Variants in EPB41L4B observed in about 807,000 individuals in gnomAD.
The protein encoded by EPB41L4B is erythrocyte membrane protein band 4.1 like 4B.
EPB41L4B carries 30 observed loss-of-function variants against 112.5 expected under a neutral mutation model. The observed-to-expected ratio is 0.27, with a 90% CI of 0.20 to 0.36. The LOEUF (loss-of-function observed/expected upper bound fraction) is 0.36, where lower values mean the gene tolerates loss of function less well. Among genes scored for constraint, EPB41L4B ranks in the 10% least tolerant of loss-of-function variants. The pLI, the probability that EPB41L4B is intolerant of heterozygous loss-of-function variation, is 1.00. For missense variants in EPB41L4B, 1,024 were observed against 1,133.3 expected (o/e 0.90, Z 1.38); for synonymous variants, 408 against 439.7 (o/e 0.93, Z 0.90).
intron 4 of EPB41L4B, 78 bp downstream of exon 4, chr9:109,267,395 C>T (rs1165307708): frequency 6.8e-6 from 6 of 884,448 alleles, no homozygotes; most frequent in Admixed American, 4.3e-5. Flanking sequence ...AAGAGGCAAA[C>T]CCACAATTGA....
intron 1 of EPB41L4B, among the ~76,000 whole-genome samples, chr9:109,300,023 CAGA>C (rs1393122715): frequency 5.3e-5 from 8 of 152,150 alleles, no homozygotes; most frequent in African/African-American, 1.4e-4. Flanking sequence ...TTCCGAGTCA[CAGA>C]AGGAGGGAGG....
Position 109,251,938 on chromosome 9 carries a change from G to A in EPB41L4B, c.1280-427C>T, listed in dbSNP as rs559928654. Among the ~76,000 whole-genome samples the A allele has an allele frequency of 1.3e-3, 204 of 152,248 alleles. 1 individual carries two copies. The highest frequency in any genetic ancestry group is 1.4e-3 in the Non-Finnish European group (97 of 68,046). On this transcript the variant is annotated intron_variant, in intron 12 of 25. Transcript: ENST00000374566. ...TGCATGGACAGAGCCCTGGGAATGA[G>A]GTACAGCTTAGCCGCTTACACTCCA...
intron 1 of EPB41L4B, among the ~76,000 whole-genome samples, chr9:109,310,430 G>C (rs950392026): frequency 1.3e-5 from 2 of 152,158 alleles, no homozygotes; most frequent in Admixed American, 6.5e-5. Flanking sequence ...TAAGCTCGGT[G>C]GTGGGCACAA....
intron 19 of EPB41L4B, among the ~76,000 whole-genome samples, chr9:109,201,449 C>CAA (rs563680101): frequency 7.6e-4 from 45 of 59,400 alleles, no homozygotes; most frequent in Admixed American, 2.1e-3. Flanking sequence ...GACCCTGTCT[C>CAA]AAAAAAAAAA....
intron 1 of EPB41L4B, among the ~76,000 whole-genome samples, chr9:109,314,867 A>G (rs1393551814): frequency 6.6e-6 from 1 of 152,106 alleles, no homozygotes; most frequent in Non-Finnish European, 1.5e-5. Context: ...AGCCTTGGGA[A>G]AGGGTAGAAA....
intron 15 of EPB41L4B, among the ~76,000 whole-genome samples, chr9:109,223,879 TGTG>T (rs1425705363): frequency 6.6e-6 from 1 of 151,824 alleles, no homozygotes; most frequent in Non-Finnish European, 1.5e-5. Context: ...ATTAGCCAGG[TGTG>T]GTGGTGGGCA....
At chr9:109,211,487 T>A (rs1256330643) in intron 17 of EPB41L4B, among the ~76,000 whole-genome samples, 1 of 148,244 alleles carries the variant, frequency 6.7e-6, no homozygotes, top group Non-Finnish European at 1.5e-5. Flanking sequence ...CTCAGCTACT[T>A]GGGAGGCTGA....
At chr9:109,252,149 C>T (rs1242184730) in intron 12 of EPB41L4B, among the ~76,000 whole-genome samples, 1 of 152,174 alleles carries the variant, frequency 6.6e-6, no homozygotes, top group African/African-American at 2.4e-5. Flanking sequence ...ACAGGACGTC[C>T]ACTTCCCTCT....
intron 15 of EPB41L4B, among the ~76,000 whole-genome samples, chr9:109,229,474 G>C (rs750786479): frequency 1.3e-5 from 2 of 152,194 alleles, no homozygotes; most frequent in African/African-American, 4.8e-5. Flanking sequence ...CGTATCAAGT[G>C]CTGCCTGAAC....
intron 15 of EPB41L4B, among the ~76,000 whole-genome samples, chr9:109,218,747 C>G (rs1422272618): frequency 6.6e-6 from 1 of 152,170 alleles, no homozygotes; most frequent in East Asian, 1.9e-4. Context: ...TGAAGTCCTT[C>G]CTCATCTGTC....
intron 18 of EPB41L4B, among the ~76,000 whole-genome samples, chr9:109,206,260 T>C (rs1036081951): frequency 6.6e-6 from 1 of 152,230 alleles, no homozygotes. Flanking sequence ...CTCTGCTCAC[T>C]GTAGCCTCTG....
At position 109,255,554 on chromosome 9, in the gene EPB41L4B, T is replaced by C. The variant is rs1220396145; in HGVS notation, c.1126A>G (p.Asn376Asp). The C allele has an allele frequency of 6.2e-7, 1 of 1,614,086 alleles. No homozygotes were observed. The highest frequency in any genetic ancestry group is 2.2e-5 in the East Asian group (1 of 44,894). The change falls in exon 11 of 26, where the codon AAT becomes GAT. Residue 376 changes from asparagine (N) to aspartate (D), a missense_variant. Physicochemically the swap from Asn to Asp is conservative, Grantham distance 23. Coordinates refer to ENST00000374566, the MANE Select transcript of EPB41L4B (RefSeq NM_019114.5). ...CCCAGCCTGATAAAGTCGGATCTAT[T>C]GGATTTGCTGTTTCCTGGCGTCCGC... ...RLRTPGNSKS[N>D]RSDFIRLGSR...
intron 5 of EPB41L4B, among the ~76,000 whole-genome samples, chr9:109,264,089 C>G (rs1835315030): frequency 6.6e-6 from 1 of 152,106 alleles, no homozygotes; most frequent in African/African-American, 2.4e-5. Flanking sequence ...TACACACACT[C>G]ATAATACACA....
At chr9:109,265,866 G>T (rs1440364353) in intron 4 of EPB41L4B, among the ~76,000 whole-genome samples, 1 of 152,186 alleles carries the variant, frequency 6.6e-6, no homozygotes, top group Non-Finnish European at 1.5e-5. Flanking sequence ...AGCTTCCCAG[G>T]TGTTTCTGAT....
chr9:109,196,477 G>T (rs992646108), intron 20 of EPB41L4B, among the ~76,000 whole-genome samples: 1 of 152,146 alleles, frequency 6.6e-6, no homozygotes, highest in Non-Finnish European at 1.5e-5. Context: ...CCGGCACTCT[G>T]GGGGGCCAAG....
chr9:109,254,810 TTTCAGA>T (rs1383370702), intron 11 of EPB41L4B, among the ~76,000 whole-genome samples: 18 of 152,232 alleles, frequency 1.2e-4, no homozygotes, highest in African/African-American at 4.1e-4. Context: ...TTCAGGCTCT[TTTCAGA>T]TTCAAATATC....
chr9:109,256,931 A>G (rs768760803), intron 7 of EPB41L4B, among the ~76,000 whole-genome samples: 3 of 152,228 alleles, frequency 2.0e-5, no homozygotes, highest in Non-Finnish European at 4.4e-5. Flanking sequence ...CCTGGGCAAC[A>G]AGACTGAAAC....
intron 1 of EPB41L4B, among the ~76,000 whole-genome samples, chr9:109,304,900 G>A (rs1242263030): frequency 2.6e-5 from 4 of 152,094 alleles, no homozygotes; most frequent in Non-Finnish European, 5.9e-5. Context: ...AGGAATGACG[G>A]CTCAACAGGT....
intron 19 of EPB41L4B, among the ~76,000 whole-genome samples, chr9:109,202,428 C>T (rs768771686): frequency 6.6e-6 from 1 of 152,186 alleles, no homozygotes; most frequent in Non-Finnish European, 1.5e-5. Context: ...TACTGGCACC[C>T]ACCAAACACC....
Sources: allele counts gnomAD v4.1 joint callset (sites outside exome capture counted in the v4.1 genomes callset), GRCh38; gene constraint gnomAD v4.1.1; transcripts MANE v1.5; gene names NCBI Gene and HGNC (gene_info 2026-07-23, HGNC 2026-07-21).